The following THSD7B variants were observed in gnomAD, a reference collection of about 807,000 sequenced individuals.
The protein encoded by THSD7B is thrombospondin type-1 domain-containing protein 7B.
In THSD7B, 138 loss-of-function variants were observed where a neutral mutation model predicts 213.6. That is an observed-to-expected ratio of 0.65 (90% CI 0.56 to 0.74). The LOEUF (loss-of-function observed/expected upper bound fraction) is 0.74, where lower values mean the gene tolerates loss of function less well. THSD7B is among the 30% of genes least tolerant of loss of function. The pLI is 0.00. For synonymous variants in THSD7B, 742 were observed against 687.0 expected (o/e 1.08, Z -1.25); for missense variants, 1,931 against 1,991.5 (o/e 0.97, Z 0.58).
rs777478572 is a variant in THSD7B, at chr2:137,618,567, C to T, written c.3681+60C>T. 8 of 1,456,416 alleles carry T rather than the reference C, an allele frequency of 5.5e-6. No individual in the cohort carries two copies. The African/African-American group carries it at 1.1e-4, about 20-fold the overall frequency. 90.2% of individuals were successfully genotyped at this position (1,456,416 alleles called of 1,614,324 possible). The stretch of plus-strand genomic sequence containing the variant: ...CTTTGTTTTTCTTAATATTGGTCTG[C>T]AGTTCCATGATGTCCAATATAGATA... On this transcript the variant is annotated intron_variant, in intron 19 of 27. Transcript: ENST00000409968.
intron 12 of THSD7B, among the ~76,000 whole-genome samples, chr2:137,348,703 C>CTTTTTTT (rs80150345): frequency 7.2e-5 from 8 of 110,930 alleles, no homozygotes; most frequent in Admixed American, 9.5e-5. Flanking sequence ...CTATGAACTC[C>CTTTTTTT]TTTTTTTTTT....
At chr2:137,188,967 T>G (rs1680606522) in intron 7 of THSD7B, among the ~76,000 whole-genome samples, 1 of 152,218 alleles carries the variant, frequency 6.6e-6, no homozygotes, top group Non-Finnish European at 1.5e-5. Context: ...ATCCCCATTG[T>G]CCTGCTGTCA....
intron 15 of THSD7B, among the ~76,000 whole-genome samples, chr2:137,491,903 T>C (rs1679415887): frequency 6.6e-6 from 1 of 152,224 alleles, no homozygotes; most frequent in Non-Finnish European, 1.5e-5. Flanking sequence ...TATGTCATGA[T>C]TTTCTGATTT....
At chr2:136,800,867 T>G (rs1432852514) in intron 1 of THSD7B, among the ~76,000 whole-genome samples, 1 of 152,020 alleles carries the variant, frequency 6.6e-6, no homozygotes, top group African/African-American at 2.4e-5. Flanking sequence ...CTTTTGTAGA[T>G]CTTAGAGACT....
chr2:137,515,235 T>A (rs966847054), intron 15 of THSD7B, among the ~76,000 whole-genome samples: 2 of 152,136 alleles, frequency 1.3e-5, no homozygotes, highest in Admixed American at 1.3e-4. Flanking sequence ...CTGGTTAACT[T>A]TTTTTGCCAG....
intron 3 of THSD7B, among the ~76,000 whole-genome samples, chr2:137,061,956 A>T (rs900539256): frequency 2.0e-5 from 3 of 151,942 alleles, no homozygotes; most frequent in Non-Finnish European, 4.4e-5. Context: ...AATGTTTGGT[A>T]GTGAACCCTC....
intron 14 of THSD7B, among the ~76,000 whole-genome samples, chr2:137,442,072 T>A (rs1443850956): frequency 6.6e-6 from 1 of 152,140 alleles, no homozygotes; most frequent in Non-Finnish European, 1.5e-5. Context: ...TATTGTTACA[T>A]TTTTATTTTC....
In THSD7B at chr2:137,652,119, G is replaced by C. The variant is rs146957844; in HGVS notation, c.3946-3382G>C. ...GTGTTTCTTTGTTGATTATGTGCCT[G>C]TCCTGTCAATTACTGAGAGTGGAGT... On this transcript the variant is annotated intron_variant, in intron 21 of 27. Coordinates refer to ENST00000409968, the MANE Select transcript of THSD7B (RefSeq NM_001316349.2). Among the ~76,000 whole-genome samples the C allele has an allele frequency of 2.8e-3, 419 of 152,134 alleles. 5 individuals are homozygous for C. Among genetic ancestry groups the C allele is most frequent in the African/African-American group, 9.5e-3 (396 of 41,552 alleles).
chr2:136,984,418 T>C (rs1327056209), intron 2 of THSD7B, among the ~76,000 whole-genome samples: 1 of 152,120 alleles, frequency 6.6e-6, no homozygotes, highest in Non-Finnish European at 1.5e-5. Context: ...GAGATCTGAG[T>C]GTTTAAAAGT....
intron 18 of THSD7B, among the ~76,000 whole-genome samples, chr2:137,616,539 G>C (rs1007884968): frequency 3.3e-5 from 5 of 152,136 alleles, no homozygotes; most frequent in Non-Finnish European, 7.3e-5. Context: ...TGTAGTAAGA[G>C]AAGCTTAGAA....
At chr2:137,280,663 G>A (rs188583083) in intron 12 of THSD7B, among the ~76,000 whole-genome samples, 3 of 152,208 alleles carry the variant, frequency 2.0e-5, no homozygotes, top group East Asian at 3.9e-4. Context: ...GGAGACCCAC[G>A]TGTTCTTTCT....
intron 12 of THSD7B, among the ~76,000 whole-genome samples, chr2:137,318,395 T>C (rs1684178440): frequency 6.6e-6 from 1 of 152,186 alleles, no homozygotes; most frequent in Admixed American, 6.5e-5. Flanking sequence ...AAGTCATATC[T>C]GTGAACCAAT....
In THSD7B at chr2:137,232,877, C is replaced by A. The variant is rs574665347; in HGVS notation, c.1916-22C>A. ...AAGAACAGCAACCACTATGTATTAC[C>A]TTTTGTTCTTATTTTTGGCAGGTGG... On this transcript the variant is annotated intron_variant, in intron 8 of 27. Coordinates refer to ENST00000409968, the MANE Select transcript of THSD7B (RefSeq NM_001316349.2). 5 of 1,609,310 alleles carry A rather than the reference C, an allele frequency of 3.1e-6. No individual in the cohort carries two copies. The African/African-American group carries it at 4.0e-5, about 13-fold the overall frequency.
intron 17 of THSD7B, among the ~76,000 whole-genome samples, chr2:137,590,755 A>G (rs1365651898): frequency 7.3e-6 from 1 of 136,218 alleles, no homozygotes; most frequent in Non-Finnish European, 1.6e-5. Flanking sequence ...TAATTGCTGT[A>G]AAATACATTT....
chr2:137,594,466 C>T (rs1681922532), intron 17 of THSD7B, among the ~76,000 whole-genome samples: 1 of 151,900 alleles, frequency 6.6e-6, no homozygotes, highest in Non-Finnish European at 1.5e-5. Flanking sequence ...AGATTAATGG[C>T]CCCCACTTCT....
chr2:137,186,752 A>G (rs1680559872), intron 7 of THSD7B, among the ~76,000 whole-genome samples: 1 of 152,168 alleles, frequency 6.6e-6, no homozygotes, highest in Non-Finnish European at 1.5e-5. Context: ...ATAAAAAATA[A>G]CATTTGTAGT....
chr2:137,230,708 G>A (rs766844172), intron 7 of THSD7B, among the ~76,000 whole-genome samples: 1 of 152,106 alleles, frequency 6.6e-6, no homozygotes, highest in Non-Finnish European at 1.5e-5. Flanking sequence ...TCAGGTGAAC[G>A]GACAGCTCTG....
rs563976466 is a variant in THSD7B, at chr2:137,364,418, T to G, written c.2501-41195T>G. On this transcript the variant is annotated intron_variant, in intron 12 of 27. Coordinates refer to ENST00000409968, the MANE Select transcript of THSD7B (RefSeq NM_001316349.2). ...AGGGCAATCAGGCAAGAGAAAGAAATAAAGGGGATTCAATTAGGAAAAGAG... is the reference window on the plus strand; with the variant it reads ...AGGGCAATCAGGCAAGAGAAAGAAAGAAAGGGGATTCAATTAGGAAAAGAG... Among the ~76,000 whole-genome samples, 62 of 152,246 alleles carry G rather than the reference T, an allele frequency of 4.1e-4. 1 individual carries two copies. The highest frequency in any genetic ancestry group is 1.2e-3 in the African/African-American group (48 of 41,542).
intron 2 of THSD7B, among the ~76,000 whole-genome samples, chr2:136,922,438 C>G (rs1684451198): frequency 6.6e-6 from 1 of 152,142 alleles, no homozygotes; most frequent in Admixed American, 6.5e-5. Context: ...TTTCATAAAA[C>G]CACATTATTT....
Sources: allele counts gnomAD v4.1 joint callset (sites outside exome capture counted in the v4.1 genomes callset), GRCh38; gene constraint gnomAD v4.1.1; transcripts MANE v1.5; gene names NCBI Gene and HGNC (gene_info 2026-07-23, HGNC 2026-07-21).